The following ITPKB variants were observed in gnomAD, a reference collection of about 807,000 sequenced individuals.
ITPKB encodes the protein IP3 3-kinase B.
In ITPKB, 13 loss-of-function variants were observed where a neutral mutation model predicts 69.4. The ratio of observed to expected loss-of-function variants is 0.19; its 90% CI spans 0.12 to 0.30. The LOEUF (loss-of-function observed/expected upper bound fraction) is 0.30, where lower values mean the gene tolerates loss of function less well. Among genes scored for constraint, ITPKB ranks in the 10% least tolerant of loss-of-function variants. The probability of loss-of-function intolerance (pLI) is 1.00; values close to 1 mark genes in which losing one functional copy is unlikely to be tolerated. For missense variants in ITPKB, 1,240 were observed against 1,250.5 expected, an observed-to-expected ratio of 0.99 and a Z score of 0.13; for synonymous variants, 584 against 513.7, an observed-to-expected ratio of 1.14 and a Z score of -1.85.
chr1:226,696,415 T>C (rs2102784602), intron 2 of ITPKB, among the ~76,000 whole-genome samples: 1 of 152,246 alleles, frequency 6.6e-6, no homozygotes, highest in Non-Finnish European at 1.5e-5. Context: ...AGTTATAATG[T>C]ACATCCCTGG....
At chr1:226,674,617 A>G (rs1669689874) in intron 2 of ITPKB, among the ~76,000 whole-genome samples, 1 of 152,150 alleles carries the variant, frequency 6.6e-6, no homozygotes, top group Admixed American at 6.5e-5. Flanking sequence ...TAAAGGAGTG[A>G]GCCACCACAC....
At chr1:226,707,653 C>G (rs574125088) in intron 2 of ITPKB, 2 of 1,008,402 alleles carry the variant, frequency 2.0e-6, no homozygotes, top group African/African-American at 1.7e-5. Flanking sequence ...TCAAGGCCAT[C>G]ATCACAAGGA....
intron 2 of ITPKB, chr1:226,708,007 A>AGGTAG (rs1656849055): frequency 1.4e-6 from 1 of 692,868 alleles, no homozygotes; most frequent in African/African-American, 1.9e-5. Flanking sequence ...TACCCACCAA[A>AGGTAG]GGTAGGAGTA....
At chr1:226,711,871 A>G (rs1000723426) in intron 2 of ITPKB, among the ~76,000 whole-genome samples, 2 of 152,114 alleles carry the variant, frequency 1.3e-5, no homozygotes, top group African/African-American at 4.8e-5. Flanking sequence ...GGCTGGTACC[A>G]TGTTGGTCCC....
intron 2 of ITPKB, among the ~76,000 whole-genome samples, chr1:226,713,109 T>C (rs976851532): frequency 2.6e-5 from 4 of 151,980 alleles, no homozygotes; most frequent in Admixed American, 2.0e-4. Flanking sequence ...TATACACACA[T>C]ATACACACAC....
chr1:226,680,785 A>G (rs1656068871), intron 2 of ITPKB, among the ~76,000 whole-genome samples: 1 of 152,192 alleles, frequency 6.6e-6, no homozygotes, highest in Non-Finnish European at 1.5e-5. Flanking sequence ...CAGGATTCAT[A>G]AAGCCCTTTT....
At chr1:226,673,422 G>A (rs889619762) in intron 2 of ITPKB, among the ~76,000 whole-genome samples, 4 of 152,130 alleles carry the variant, frequency 2.6e-5, no homozygotes, top group East Asian at 1.9e-4. Flanking sequence ...GAAGGTATAG[G>A]TGCTGTCTTG....
chr1:226,681,226 T>C (rs933701521), intron 2 of ITPKB, among the ~76,000 whole-genome samples: 5 of 152,196 alleles, frequency 3.3e-5, no homozygotes, highest in Non-Finnish European at 5.9e-5. Context: ...ATTGTTCCTT[T>C]CTTCCTAGCC....
chr1:226,699,151 T>A (rs1446339000), intron 2 of ITPKB, among the ~76,000 whole-genome samples: 1 of 152,182 alleles, frequency 6.6e-6, no homozygotes, highest in African/African-American at 2.4e-5. Context: ...AAAAGTCTCA[T>A]CTAGAAGGAA....
chr1:226,694,556 T>C (rs1162595356), intron 2 of ITPKB, among the ~76,000 whole-genome samples: 1 of 152,218 alleles, frequency 6.6e-6, no homozygotes, highest in Non-Finnish European at 1.5e-5. Flanking sequence ...TCTTATCTCA[T>C]TTGAGCCTCC....
intron 2 of ITPKB, among the ~76,000 whole-genome samples, chr1:226,699,252 G>A (rs190554297): frequency 4.7e-4 from 71 of 152,378 alleles, no homozygotes; most frequent in African/African-American, 1.7e-3. Context: ...AAAGGTGCAA[G>A]AGCAGGACAG....
chr1:226,655,596 T>A (rs1669273355), intron 2 of ITPKB, among the ~76,000 whole-genome samples: 1 of 152,140 alleles, frequency 6.6e-6, no homozygotes, highest in Non-Finnish European at 1.5e-5. Context: ...TTGTTCAGAG[T>A]CTGGCCTTGC....
At chr1:226,691,360 G>A (rs940526477) in intron 2 of ITPKB, among the ~76,000 whole-genome samples, 1 of 152,128 alleles carries the variant, frequency 6.6e-6, no homozygotes, top group African/African-American at 2.4e-5. Flanking sequence ...CTCAGCCCAT[G>A]AGGCTTCAGA....
At chr1:226,692,864 A>G (rs1656390160) in intron 2 of ITPKB, among the ~76,000 whole-genome samples, 1 of 152,240 alleles carries the variant, frequency 6.6e-6, no homozygotes, top group Non-Finnish European at 1.5e-5. Flanking sequence ...AACTGTGAAT[A>G]TACTCTCATT....
At chr1:226,730,968 C>T (rs1012274656) in intron 2 of ITPKB, among the ~76,000 whole-genome samples, 1 of 152,188 alleles carries the variant, frequency 6.6e-6, no homozygotes. Context: ...TCTTGTAGTA[C>T]CTAAAAGCGG....
At chr1:226,727,101 C>A (rs1487002439) in intron 2 of ITPKB, among the ~76,000 whole-genome samples, 2 of 152,200 alleles carry the variant, frequency 1.3e-5, no homozygotes, top group African/African-American at 4.8e-5. Flanking sequence ...AGTCGTCATC[C>A]TTTCCCCATA....
rs2102656950 is a variant in ITPKB, at chr1:226,738,433, CT to C, written c.-206+607del. ...ACCGGAACCAGTACTTGCTGCCCCCCTGCCGTCGTCCCCTATGGGGGGGTGT... is the reference window on the plus strand; with the variant it reads ...ACCGGAACCAGTACTTGCTGCCCCCCGCCGTCGTCCCCTATGGGGGGGTGT... On this transcript the variant is annotated intron_variant, in intron 1 of 7. Coordinates refer to ENST00000429204, the MANE Select transcript of ITPKB (RefSeq NM_002221.4). The surrounding 1 kb of genome is among the most constrained non-coding windows in gnomAD (Gnocchi z 4.2). Among the ~76,000 whole-genome samples the C allele has an allele frequency of 6.6e-6, 1 of 152,366 alleles. No individual in the cohort carries two copies. Among genetic ancestry groups the C allele is most frequent in the South Asian group, 2.1e-4 (1 of 4,834 alleles).
intron 2 of ITPKB, among the ~76,000 whole-genome samples, chr1:226,730,937 C>T (rs999362849): frequency 5.3e-5 from 8 of 152,124 alleles, no homozygotes; most frequent in African/African-American, 7.2e-5. Flanking sequence ...CTAAAAACAC[C>T]GACTGACTGG....
chr1:226,719,250 G>A (rs965174269), intron 2 of ITPKB, among the ~76,000 whole-genome samples: 2 of 152,258 alleles, frequency 1.3e-5, no homozygotes, highest in Admixed American at 1.3e-4. Flanking sequence ...CTGCCCTCCA[G>A]CCTGGGCAAT....
Sources: allele counts gnomAD v4.1 joint callset (sites outside exome capture counted in the v4.1 genomes callset), GRCh38; gene constraint gnomAD v4.1.1; non-coding constraint Gnocchi (gnomAD v3.1); transcripts MANE v1.5; gene names NCBI Gene and HGNC (gene_info 2026-07-23, HGNC 2026-07-21).